MSRA: variants seen among roughly 807,000 people sequenced by gnomAD.
MSRA encodes mitochondrial peptide methionine sulfoxide reductase.
MSRA carries 54 observed loss-of-function variants against 31.3 expected under a neutral mutation model. The observed-to-expected ratio is 1.73, with a 90% CI of 1.39 to 2.17. MSRA has a LOEUF of 2.17. Among genes scored for constraint, MSRA ranks in the 30% most tolerant of loss-of-function variants. The probability of loss-of-function intolerance (pLI) is 0.00; values close to 1 mark genes in which losing one functional copy is unlikely to be tolerated. For missense variants in MSRA, 507 were observed against 300.9 expected, an observed-to-expected ratio of 1.69 and a Z score of -5.07; for synonymous variants, 169 against 116.5, an observed-to-expected ratio of 1.45 and a Z score of -2.90.
chr8:10,387,227 T>G (rs1005676230), intron 5 of MSRA, among the ~76,000 whole-genome samples: 1 of 152,228 alleles, frequency 6.6e-6, no homozygotes, highest in African/African-American at 2.4e-5. Flanking sequence ...ACATGATCGA[T>G]GTCACAAAAT....
intron 1 of MSRA, 62 bp downstream of exon 1, chr8:10,054,720 C>T (rs1010660727): frequency 1.7e-5 from 23 of 1,389,938 alleles, no homozygotes; most frequent in African/African-American, 4.5e-5. Context: ...CTTTGCCCGG[C>T]GGCAGCGCGC....
At chr8:10,080,918 A>T (rs1798261692) in intron 1 of MSRA, among the ~76,000 whole-genome samples, 1 of 152,186 alleles carries the variant, frequency 6.6e-6, no homozygotes, top group African/African-American at 2.4e-5. Context: ...ACCATGTGCA[A>T]GGTCTTCCAT....
intron 1 of MSRA, among the ~76,000 whole-genome samples, chr8:10,173,967 G>T (rs1258168828): frequency 1.3e-5 from 2 of 152,192 alleles, no homozygotes; most frequent in Admixed American, 6.5e-5. Context: ...CCACATTGAG[G>T]TGGGTGGGCC....
chr8:10,284,155 T>A (rs961231244), intron 3 of MSRA, among the ~76,000 whole-genome samples: 1 of 152,050 alleles, frequency 6.6e-6, no homozygotes, highest in Non-Finnish European at 1.5e-5. Context: ...ATTGGTTAAT[T>A]AGGAAAACTG....
chr8:10,313,841 G>C (rs1236405008), intron 4 of MSRA, among the ~76,000 whole-genome samples: 2 of 152,230 alleles, frequency 1.3e-5, no homozygotes, highest in Non-Finnish European at 2.9e-5. Flanking sequence ...CAAATGAATA[G>C]AGAGTTCAGA....
At chr8:10,306,315 T>C (rs551929252) in intron 4 of MSRA, among the ~76,000 whole-genome samples, 148 of 152,286 alleles carry the variant, frequency 9.7e-4, no homozygotes, top group Non-Finnish European at 1.7e-3. Context: ...AGTGTGAAAA[T>C]AACATGAAAA....
intron 1 of MSRA, among the ~76,000 whole-genome samples, chr8:10,167,259 G>C (rs1289321300): frequency 2.0e-5 from 3 of 152,178 alleles, no homozygotes; most frequent in African/African-American, 7.2e-5. Flanking sequence ...GCTTTAACTG[G>C]AGATTGGTGT....
In MSRA at chr8:10,155,002, T is replaced by TTTTATATATATA. The variant is rs1554468812; in HGVS notation, c.143-52830_143-52829insTTATATATATAT. 3.0e-3 allele frequency among the ~76,000 whole-genome samples: 369 copies of TTTTATATATATA among 123,992 alleles called. 23 individuals carry two copies. The highest frequency in any genetic ancestry group is 0.011 in the African/African-American group (349 of 30,964). 81.3% of individuals were successfully genotyped at this position (123,992 alleles called of 152,430 possible). ...AATAGTTTGATAATGTGTATATATT[T>TTTTATATATATA]TATATATATATAGGTTTTACCTTGC... On this transcript the variant is annotated intron_variant, in intron 1 of 5. Coordinates refer to ENST00000317173, the MANE Select transcript of MSRA (RefSeq NM_012331.5).
intron 5 of MSRA, among the ~76,000 whole-genome samples, chr8:10,404,412 A>C (rs1282750197): frequency 6.6e-6 from 1 of 152,070 alleles, no homozygotes; most frequent in Non-Finnish European, 1.5e-5. Context: ...CCACCCCCCA[A>C]CCCTCCGTGG....
intron 5 of MSRA, among the ~76,000 whole-genome samples, chr8:10,421,100 A>G (rs1241294034): frequency 6.6e-6 from 1 of 152,126 alleles, no homozygotes; most frequent in Non-Finnish European, 1.5e-5. Flanking sequence ...TCTGACTCAC[A>G]TACAGGCTGA....
chr8:10,074,552 G>T (rs1797905556), intron 1 of MSRA, among the ~76,000 whole-genome samples: 1 of 152,172 alleles, frequency 6.6e-6, no homozygotes, highest in African/African-American at 2.4e-5. Flanking sequence ...TTAATTGATA[G>T]AGATATTATG....
intron 5 of MSRA, among the ~76,000 whole-genome samples, chr8:10,332,451 T>TCCCCCCCCCCCCCCCCCC (rs373121180): frequency 6.8e-6 from 1 of 146,512 alleles, no homozygotes; most frequent in African/African-American, 2.5e-5. Flanking sequence ...AAAAGAAAAA[T>TCCCCCCCCCCCCCCCCCC]CCCCCCTCCC....
intron 5 of MSRA, among the ~76,000 whole-genome samples, chr8:10,323,012 C>T (rs1802138337): frequency 6.6e-6 from 1 of 151,250 alleles, no homozygotes; most frequent in African/African-American, 2.4e-5. Flanking sequence ...AATGCTTGAA[C>T]CCAGGAAGCA....
chr8:10,334,181 T>C (rs1029863422), intron 5 of MSRA, among the ~76,000 whole-genome samples: 5 of 98,642 alleles, frequency 5.1e-5, no homozygotes, highest in South Asian at 4.1e-4. Flanking sequence ...TGTGTGTGTG[T>C]GTATTTATGT....
intron 5 of MSRA, among the ~76,000 whole-genome samples, chr8:10,357,177 T>C (rs764876726): frequency 1.3e-5 from 2 of 152,236 alleles, no homozygotes; most frequent in Non-Finnish European, 2.9e-5. Context: ...CAATGATGCT[T>C]AAGGCACAAA....
intron 2 of MSRA, among the ~76,000 whole-genome samples, chr8:10,227,150 T>G (rs966810066): frequency 6.6e-6 from 1 of 152,180 alleles, no homozygotes; most frequent in Admixed American, 6.5e-5. Flanking sequence ...CTAAAATGTG[T>G]TGAATGAGGA....
intron 5 of MSRA, among the ~76,000 whole-genome samples, chr8:10,418,906 C>T (rs1808644643): frequency 6.8e-6 from 1 of 147,136 alleles, no homozygotes; most frequent in Non-Finnish European, 1.5e-5. Flanking sequence ...TGCAGTGAGC[C>T]ATGATCACGC....
At chr8:10,094,007 G>A (rs538665440) in intron 1 of MSRA, among the ~76,000 whole-genome samples, 1 of 152,302 alleles carries the variant, frequency 6.6e-6, no homozygotes, top group South Asian at 2.1e-4. Flanking sequence ...TGCACGTGAT[G>A]AGTCGCTTCT....
At chr8:10,278,952 A>T (rs754653562) in intron 3 of MSRA, among the ~76,000 whole-genome samples, 11 of 152,166 alleles carry the variant, frequency 7.2e-5, no homozygotes, top group Non-Finnish European at 1.6e-4. Flanking sequence ...AGTCTCATTG[A>T]GCATGCCTAG....
Sources: gnomAD v4.1 joint callset for allele counts (sites outside exome capture counted in the v4.1 genomes callset) on GRCh38, gnomAD v4.1.1 for gene constraint, MANE v1.5 for transcripts, NCBI Gene and HGNC (gene_info 2026-07-23, HGNC 2026-07-21) for gene names.